The following SERINC1 variants were observed in gnomAD, a reference collection of about 807,000 sequenced individuals.
SERINC1 encodes the protein tumor differentially expressed protein 2.
SERINC1 carries 38 observed loss-of-function variants against 52.9 expected under a neutral mutation model. The observed-to-expected ratio is 0.72, with a 90% CI of 0.55 to 0.94. The LOEUF (loss-of-function observed/expected upper bound fraction) is 0.94, where lower values mean the gene tolerates loss of function less well. SERINC1 is among the 40% of genes least tolerant of loss of function. The probability of loss-of-function intolerance (pLI) is 0.00; values close to 1 mark genes in which losing one functional copy is unlikely to be tolerated. For synonymous variants in SERINC1, 198 were observed against 183.1 expected (o/e 1.08, Z -0.66); for missense variants, 471 against 533.9 (o/e 0.88, Z 1.16).
Position 122,458,549 on chromosome 6 carries a change from T to C in SERINC1, c.172A>G (p.Ile58Val). The change falls in exon 2 of 10, where the codon ATA becomes GTA. Residue 58 changes from isoleucine to valine, a missense_variant. By Grantham distance (29) the Ile-to-Val change is conservative (BLOSUM62 3). Transcript: ENST00000339697. Reference sequence around the variant, plus strand: ...TTCAGTTGTTCTTCCATTCCTGGTATCAACATTACACAAGCTACACATACT... The same window carrying C: ...TTCAGTTGTTCTTCCATTCCTGGTACCAACATTACACAAGCTACACATACT... ...VGVCVACVML[I>V]PGMEEQLNKI... is the part of the protein sequence containing the mutation. 1 of 1,612,940 alleles carries C rather than the reference T, an allele frequency of 6.2e-7. No individual in the cohort carries two copies. Among genetic ancestry groups the C allele is most frequent in the Non-Finnish European group, 8.5e-7 (1 of 1,179,260 alleles).
chr6:122,456,432 A>G (rs1210923423), intron 3 of SERINC1, 49 bp downstream of exon 3: 7 of 1,212,370 alleles, frequency 5.8e-6, no homozygotes, highest in African/African-American at 1.6e-5. Context: ...GGCAATTATC[A>G]AGAAGAGGCT....
In SERINC1 at chr6:122,458,126, T is replaced by G. The variant is rs554435249; in HGVS notation, c.201+394A>C. Reference sequence around the variant, plus strand: ...ATATTTAACTGCTTGACTTTTATACTTTATTAATTGTAAGATTAATCTTCC... The same window carrying G: ...ATATTTAACTGCTTGACTTTTATACGTTATTAATTGTAAGATTAATCTTCC... On this transcript the variant is annotated intron_variant, in intron 2 of 9. Coordinates refer to ENST00000339697, the MANE Select transcript of SERINC1 (RefSeq NM_020755.4). 2.0e-5 allele frequency among the ~76,000 whole-genome samples: 3 copies of G among 152,306 alleles called. No individual in the cohort carries two copies. In the South Asian group the frequency reaches 6.2e-4, roughly 32 times the overall value.
intron 1 of SERINC1, among the ~76,000 whole-genome samples, chr6:122,460,043 G>A (rs1418972578): frequency 6.6e-6 from 1 of 152,116 alleles, no homozygotes; most frequent in Admixed American, 6.5e-5. Context: ...GAGACAATGT[G>A]AGCCCTATGA....
rs768113222 is a variant in SERINC1 at position 122,451,987 on chromosome 6, G to A, written c.660C>T (p.Tyr220=). The A allele has an allele frequency of 6.3e-7, 1 of 1,598,758 alleles. No individual in the cohort carries two copies. Among genetic ancestry groups the A allele is most frequent in the South Asian group, 1.1e-5 (1 of 89,422 alleles). Residue 220 remains tyrosine (Y), a synonymous_variant, in exon 6 of 10, where the codon TAC becomes TAT. Coordinates refer to ENST00000339697, the MANE Select transcript of SERINC1 (RefSeq NM_020755.4). ...TTTCTGAACAACTGGCTGGATGAGTGTAGTAGACAAAGAACAGGACGATAG... is the reference window on the plus strand; with the variant it reads ...TTTCTGAACAACTGGCTGGATGAGTATAGTAGACAAAGAACAGGACGATAG... ...LVAIVLFFVY[Y]THPASCSENK... is the part of the protein sequence containing the mutation.
intron 1 of SERINC1, among the ~76,000 whole-genome samples, chr6:122,466,557 G>A (rs980168469): frequency 1.3e-4 from 20 of 152,064 alleles, no homozygotes; most frequent in African/African-American, 4.4e-4. Context: ...ATGTTGCCAA[G>A]GCCTGAGCTC....
At chr6:122,467,992 C>A (rs1001463260) in intron 1 of SERINC1, among the ~76,000 whole-genome samples, 3 of 151,872 alleles carry the variant, frequency 2.0e-5, no homozygotes, top group Non-Finnish European at 2.9e-5. Flanking sequence ...CAATAAATAC[C>A]AAAAGAAATA....
intron 4 of SERINC1, 110 bp downstream of exon 4, chr6:122,454,041 C>A: frequency 5.3e-6 from 6 of 1,137,740 alleles, no homozygotes; most frequent in Non-Finnish European, 7.6e-6. Flanking sequence ...GGGAAACACA[C>A]ACACACACAC....
rs74865090 is a variant in SERINC1, at chr6:122,459,506, T to C, written c.40-825A>G. On this transcript the variant is annotated intron_variant, in intron 1 of 9. Transcript: ENST00000339697. Reference sequence around the variant, plus strand: ...GACCACTACACCAACCAATATAAGGTAAGAATAAAGCTGCTTTATATTAAA... The same window carrying C: ...GACCACTACACCAACCAATATAAGGCAAGAATAAAGCTGCTTTATATTAAA... Among the ~76,000 whole-genome samples the C allele has an allele frequency of 2.2e-3, 333 of 152,164 alleles. 8 individuals are homozygous for C. The East Asian group carries it at 0.043, about 20-fold the overall frequency.
chr6:122,454,025 C>CA (rs1280323594), intron 4 of SERINC1, 118 bp from the exon 5 acceptor site: 45 of 1,241,576 alleles, frequency 3.6e-5, no homozygotes, highest in Non-Finnish European at 4.2e-5. Context: ...TTGATTTTGC[C>CA]AACTGGGGAA....
At chr6:122,453,289 T>G (rs1332902289) in intron 5 of SERINC1, among the ~76,000 whole-genome samples, 2 of 152,202 alleles carry the variant, frequency 1.3e-5, no homozygotes, top group African/African-American at 4.8e-5. Context: ...TACATTACTA[T>G]AGGAATTCCT....
chr6:122,449,589 C>T (rs1164117401), intron 7 of SERINC1, among the ~76,000 whole-genome samples: 1 of 152,146 alleles, frequency 6.6e-6, no homozygotes, highest in Non-Finnish European at 1.5e-5. Flanking sequence ...AAGTTTGAAA[C>T]TAGATGGGGT....
In SERINC1 at chr6:122,454,172, G is replaced by A; in HGVS notation, c.430C>T (p.Pro144Ser). ...TTACCAGTTGTAAAAGTTCCTTCTG[G>A]AATGAAGAATGCCCCAATAATAATT... is the stretch of plus-strand genomic sequence containing the variant. ...IAIIIGAFFI[P>S]EGTFTTVWFY... Residue 144 changes from proline (P) to serine (S), a missense_variant, in exon 4 of 10, where the codon CCA becomes TCA. Coordinates refer to ENST00000339697, the MANE Select transcript of SERINC1 (RefSeq NM_020755.4). The A allele has an allele frequency of 3.8e-6, 6 of 1,587,138 alleles. No individual in the cohort carries two copies. Among genetic ancestry groups the A allele is most frequent in the Non-Finnish European group, 5.1e-6 (6 of 1,166,098 alleles).
intron 2 of SERINC1, 73 bp downstream of exon 2, chr6:122,458,447 C>T: frequency 1.0e-6 from 1 of 999,834 alleles, no homozygotes; most frequent in Non-Finnish European, 1.5e-6. Flanking sequence ...TACAATATCC[C>T]CGAATCAATT....
At chr6:122,466,028 G>C (rs1009208689) in intron 1 of SERINC1, among the ~76,000 whole-genome samples, 1 of 152,076 alleles carries the variant, frequency 6.6e-6, no homozygotes, top group Non-Finnish European at 1.5e-5. Context: ...TTGAGGTCAG[G>C]AGTTCAAGAC....
intron 1 of SERINC1, among the ~76,000 whole-genome samples, chr6:122,469,688 T>A (rs1033330821): frequency 2.6e-5 from 4 of 152,200 alleles, no homozygotes; most frequent in African/African-American, 9.7e-5. Flanking sequence ...CCCGAGTAGC[T>A]GGGACTACAG....
chr6:122,456,480 C>G lies in SERINC1; in HGVS notation c.371+1G>C. 1 of 1,535,764 alleles carries G rather than the reference C, an allele frequency of 6.5e-7. No homozygotes were observed. Among genetic ancestry groups the G allele is most frequent in the Non-Finnish European group, 8.7e-7 (1 of 1,144,936 alleles). The stretch of plus-strand genomic sequence containing the variant: ...ATATTGAAGCTTATTTAAAAACTTA[C>G]CCATTGTGCACTGCAGCTCTAGGAT... On this transcript the variant is annotated splice_donor_variant, in intron 3 of 9. Coordinates refer to ENST00000339697, the MANE Select transcript of SERINC1 (RefSeq NM_020755.4). LOFTEE classifies it high-confidence loss of function.
Position 122,471,804 on chromosome 6 carries a change from G to C in SERINC1, c.-67C>G, listed in dbSNP as rs1775310179. On this transcript the variant is annotated 5_prime_UTR_variant, in exon 1 of 10. It adds an upstream start codon to the 5' untranslated region. Transcript: ENST00000339697. Reference sequence around the variant, plus strand: ...GACAGCTTCTTTCTCGCCTTTCCGAGATTATTTACTATCTGCGAGACACTT... The same window carrying C: ...GACAGCTTCTTTCTCGCCTTTCCGACATTATTTACTATCTGCGAGACACTT... The C allele has an allele frequency of 1.9e-6, 3 of 1,611,662 alleles. No individual in the cohort carries two copies. Among genetic ancestry groups the C allele is most frequent in the Non-Finnish European group, 1.7e-6 (2 of 1,179,442 alleles).
intron 1 of SERINC1, among the ~76,000 whole-genome samples, chr6:122,460,366 C>T (rs996865705): frequency 5.3e-5 from 8 of 152,282 alleles, no homozygotes; most frequent in Admixed American, 2.0e-4. Context: ...TGGCCCACCG[C>T]GCCCAGCCAA....
chr6:122,445,300 C>T (rs1774770461), intron 9 of SERINC1, 121 bp from the exon 10 acceptor site: 2 of 910,812 alleles, frequency 2.2e-6, no homozygotes, highest in Admixed American at 5.3e-5. Context: ...TCAGATATAT[C>T]ATTGCTGCAT....
Sources: allele counts gnomAD v4.1 joint callset (sites outside exome capture counted in the v4.1 genomes callset), GRCh38; gene constraint gnomAD v4.1.1; transcripts MANE v1.5; gene names NCBI Gene and HGNC (gene_info 2026-07-23, HGNC 2026-07-21).